Variants in HS3ST4 observed in about 807,000 individuals in gnomAD.
The protein encoded by HS3ST4 is heparan sulfate glucosamine 3-O-sulfotransferase 4.
Under a neutral mutation model 29.2 loss-of-function variants are expected in HS3ST4, and 17 were observed. That is an observed-to-expected ratio of 0.58 (90% CI 0.40 to 0.87). The LOEUF (loss-of-function observed/expected upper bound fraction) is 0.87, where lower values mean the gene tolerates loss of function less well. Among genes scored for constraint, HS3ST4 ranks in the 40% least tolerant of loss-of-function variants. The pLI is 0.00. For missense variants in HS3ST4, 627 were observed against 634.5 expected, an observed-to-expected ratio of 0.99 and a Z score of 0.13; for synonymous variants, 314 against 285.7, an observed-to-expected ratio of 1.10 and a Z score of -1.00.
chr16:26,100,418 CT>C (rs1898976701), intron 1 of HS3ST4, among the ~76,000 whole-genome samples: 1 of 152,206 alleles, frequency 6.6e-6, no homozygotes, highest in Non-Finnish European at 1.5e-5. Flanking sequence ...TGGGTCAAGT[CT>C]GCACATCCTC....
In HS3ST4 at chr16:26,031,702, G is replaced by A. The variant is rs944860150; in HGVS notation, c.735-103910G>A. 4.9e-5 allele frequency among the ~76,000 whole-genome samples: 7 copies of A among 143,172 alleles called. No homozygotes were observed. In the East Asian group the frequency reaches 8.4e-4, roughly 17 times the overall value. The allele number at this position is 143,172 out of a possible 152,430, so 93.9% of individuals were successfully genotyped here. Reference sequence around the variant, plus strand: ...CAGGGCCCAGCAGAAAGATGGAGGCGTGTTTTTTTTTTTTTTCCAAGCCAA... The same window carrying A: ...CAGGGCCCAGCAGAAAGATGGAGGCATGTTTTTTTTTTTTTTCCAAGCCAA... On this transcript the variant is annotated intron_variant, in intron 1 of 1. Transcript: ENST00000331351.
Position 25,999,888 on chromosome 16 carries a change from A to ATTT in HS3ST4, c.735-135723_735-135722insTTT, listed in dbSNP as rs1567290823. On this transcript the variant is annotated intron_variant, in intron 1 of 1. Coordinates refer to ENST00000331351, the MANE Select transcript of HS3ST4 (RefSeq NM_006040.3). ...ATTATATATTTTATATATATTATAT[A>ATTT]TATATATTTTATATATATATATATA... Among the ~76,000 whole-genome samples, 411 of 126,068 alleles carry ATTT rather than the reference A, an allele frequency of 3.3e-3. 3 individuals are homozygous for ATTT. Among genetic ancestry groups the ATTT allele is most frequent in the African/African-American group, 0.013 (398 of 30,342 alleles). The allele number at this position is 126,068 out of a possible 152,430, so 82.7% of individuals were successfully genotyped here.
In HS3ST4 at chr16:25,893,244, G is replaced by C. The variant is rs560689066; in HGVS notation, c.734+200093G>C. On this transcript the variant is annotated intron_variant, in intron 1 of 1. Transcript: ENST00000331351. ...AGTCATGTGAGAACTGCGAGAAGCC[G>C]ATGAAGGATGGTGCTGGGATTATGG... is the stretch of plus-strand genomic sequence containing the variant. Among the ~76,000 whole-genome samples, 4 of 152,308 alleles carry C rather than the reference G, an allele frequency of 2.6e-5. No homozygotes were observed. In the East Asian group the frequency reaches 5.8e-4, roughly 22 times the overall value.
chr16:26,082,599 C>CTAAT (rs1297534345), intron 1 of HS3ST4, among the ~76,000 whole-genome samples: 2 of 152,212 alleles, frequency 1.3e-5, no homozygotes, highest in African/African-American at 4.8e-5. Flanking sequence ...TCCTGGTACA[C>CTAAT]TTCAAGCTTC....
intron 1 of HS3ST4, among the ~76,000 whole-genome samples, chr16:26,124,116 C>A (rs8047368): frequency 0.054 from 8,201 of 152,046 alleles, 727 homozygotes; most frequent in African/African-American, 0.18. Context: ...GACGGGGTTT[C>A]TCCATGTGAG....
At chr16:25,842,674 T>G (rs937993669) in intron 1 of HS3ST4, among the ~76,000 whole-genome samples, 24 of 152,154 alleles carry the variant, frequency 1.6e-4, no homozygotes, top group African/African-American at 5.8e-4. Context: ...TCCTAGAAAT[T>G]AGGAACTTCA....
intron 1 of HS3ST4, among the ~76,000 whole-genome samples, chr16:26,041,193 T>C (rs1969633530): frequency 6.6e-6 from 1 of 151,968 alleles, no homozygotes; most frequent in Non-Finnish European, 1.5e-5. Flanking sequence ...TTTTAAAAAA[T>C]CACCCAGGTG....
At chr16:25,936,768 T>A (rs1968520562) in intron 1 of HS3ST4, among the ~76,000 whole-genome samples, 1 of 152,214 alleles carries the variant, frequency 6.6e-6, no homozygotes. Context: ...TGCATTGTAG[T>A]CCAATGGGAT....
At chr16:25,974,651 T>C (rs1338761274) in intron 1 of HS3ST4, among the ~76,000 whole-genome samples, 2 of 152,134 alleles carry the variant, frequency 1.3e-5, no homozygotes, top group East Asian at 3.8e-4. Context: ...CCTCCAAGGG[T>C]AGGAAATAAC....
At position 25,834,710 on chromosome 16, in the gene HS3ST4, C is replaced by T. The variant is rs192885390; in HGVS notation, c.734+141559C>T. On this transcript the variant is annotated intron_variant, in intron 1 of 1. Transcript: ENST00000331351. ...CCTGTAATCCCAGAACTTTAAGAGG[C>T]CGAGGCAGGTGGATCACTTGAGGTC... is the stretch of plus-strand genomic sequence containing the variant. Among the ~76,000 whole-genome samples, 25 of 152,244 alleles carry T rather than the reference C, an allele frequency of 1.6e-4. No individual in the cohort carries two copies. In the East Asian group the frequency reaches 4.6e-3, roughly 28 times the overall value.
intron 1 of HS3ST4, among the ~76,000 whole-genome samples, chr16:25,711,148 T>A (rs1966412535): frequency 6.6e-6 from 1 of 152,064 alleles, no homozygotes; most frequent in South Asian, 2.1e-4. Flanking sequence ...TCTAGGGAAG[T>A]AAACCCATCT....
chr16:25,810,420 T>A (rs752302237), intron 1 of HS3ST4, among the ~76,000 whole-genome samples: 17 of 152,162 alleles, frequency 1.1e-4, no homozygotes, highest in Non-Finnish European at 1.9e-4. Flanking sequence ...GTTGAAAAAA[T>A]ATATATTCTG....
intron 1 of HS3ST4, among the ~76,000 whole-genome samples, chr16:25,888,168 C>T (rs1273576272): frequency 6.6e-6 from 1 of 152,144 alleles, no homozygotes; most frequent in Non-Finnish European, 1.5e-5. Flanking sequence ...CCTGCTTCAT[C>T]TGGGCTATAC....
intron 1 of HS3ST4, among the ~76,000 whole-genome samples, chr16:25,957,332 G>A (rs993151193): frequency 9.8e-5 from 15 of 152,320 alleles, no homozygotes; most frequent in East Asian, 1.9e-4. Flanking sequence ...GATTCAGAGC[G>A]GTGAGCACAT....
chr16:26,136,236 G>A lies in HS3ST4; in HGVS notation c.1359G>A (p.Glu453=), dbSNP rs1898282496. Residue 453 remains glutamate (E), a synonymous_variant, in exon 2 of 2, where the codon GAG becomes GAA. Transcript: ENST00000331351. Reference sequence around the variant, plus strand: ...AAGATTTTCAGTGGGAACAGGAAGAGGGTGATAAATGAGGCTAGAGAGGCA... The same window carrying A: ...AAGATTTTCAGTGGGAACAGGAAGAAGGTGATAAATGAGGCTAGAGAGGCA... ...TGQDFQWEQE[E]GDK is the part of the protein sequence containing the mutation. 3 of 1,612,282 alleles carry A rather than the reference G, an allele frequency of 1.9e-6. No homozygotes were observed. The highest frequency in any genetic ancestry group is 2.7e-5 in the African/African-American group (2 of 75,060).
chr16:26,049,400 C>T (rs892508446), intron 1 of HS3ST4, among the ~76,000 whole-genome samples: 1 of 139,530 alleles, frequency 7.2e-6, no homozygotes, highest in African/African-American at 2.7e-5. Context: ...GGTCTACATC[C>T]GGAGAATGAT....
chr16:25,993,225 G>T (rs577244242), intron 1 of HS3ST4, among the ~76,000 whole-genome samples: 1 of 152,286 alleles, frequency 6.6e-6, no homozygotes, highest in African/African-American at 2.4e-5. Context: ...TTGAGTCTGG[G>T]TTCTGTGCTC....
intron 1 of HS3ST4, among the ~76,000 whole-genome samples, chr16:25,704,769 C>T (rs1169386501): frequency 6.6e-6 from 1 of 151,540 alleles, no homozygotes; most frequent in Admixed American, 6.6e-5. Flanking sequence ...ATCCCAGCTA[C>T]TGGGGAGGCT....
chr16:26,058,002 T>C (rs1037237473), intron 1 of HS3ST4, among the ~76,000 whole-genome samples: 1 of 151,190 alleles, frequency 6.6e-6, no homozygotes, highest in Non-Finnish European at 1.5e-5. Flanking sequence ...TCGAGTTTGA[T>C]GGCAATCTGA....
Sources: gnomAD v4.1 joint callset for allele counts (sites outside exome capture counted in the v4.1 genomes callset) on GRCh38, gnomAD v4.1.1 for gene constraint, MANE v1.5 for transcripts, NCBI Gene and HGNC (gene_info 2026-07-23, HGNC 2026-07-21) for gene names.